GNA12: variants seen among roughly 807,000 people sequenced by gnomAD.
The protein encoded by GNA12 is guanine nucleotide-binding protein subunit alpha-12.
In GNA12, 9 loss-of-function variants were observed where a neutral mutation model predicts 26.0. The observed-to-expected ratio is 0.35, with a 90% confidence interval of 0.21 to 0.60. The LOEUF (loss-of-function observed/expected upper bound fraction) is 0.60, where lower values mean the gene tolerates loss of function less well. GNA12 is among the 20% of genes least tolerant of loss of function. The pLI is 0.78. For missense variants in GNA12, 405 were observed against 525.8 expected (o/e 0.77, Z 2.25); for synonymous variants, 264 against 219.6 (o/e 1.20, Z -1.79).
At chr7:2,759,585 T>C (rs1266671432) in intron 2 of GNA12, among the ~76,000 whole-genome samples, 1 of 152,236 alleles carries the variant, frequency 6.6e-6, no homozygotes, top group African/African-American at 2.4e-5. Context: ...CGGTAGTGGC[T>C]CACATGGGGT....
At chr7:2,839,712 G>T (rs893937487) in intron 1 of GNA12, among the ~76,000 whole-genome samples, 1 of 152,074 alleles carries the variant, frequency 6.6e-6, no homozygotes, top group African/African-American at 2.4e-5. Flanking sequence ...CAAAATTATC[G>T]AATTAAAGAA....
At position 2,731,975 on chromosome 7, in the gene GNA12, C is replaced by T. The variant is rs1418109256; in HGVS notation, c.577-225G>A. On this transcript the variant is annotated intron_variant, in intron 3 of 3. Transcript: ENST00000275364. This position sits in a 1 kb window ranked among gnomAD's most constrained non-coding sequence, Gnocchi z 6.0. Reference sequence around the variant, plus strand: ...GAACGGAGGCTCACCAGTCTGAGGACGAATGCTCAGAACACTCGTGGGCAG... The same window carrying T: ...GAACGGAGGCTCACCAGTCTGAGGATGAATGCTCAGAACACTCGTGGGCAG... Among the ~76,000 whole-genome samples, 4 of 152,290 alleles carry T rather than the reference C, an allele frequency of 2.6e-5. No individual in the cohort carries two copies. The highest frequency in any genetic ancestry group is 4.2e-4 in the South Asian group (2 of 4,818).
rs113237540 is a variant in GNA12, at chr7:2,823,040, T to C, written c.309+20813A>G. On this transcript the variant is annotated intron_variant, in intron 1 of 3. Transcript: ENST00000275364. ...CTGAGTCTTTCAGGGACATTACAGT[T>C]ACCAACCACTCTGATGGCCTTGAAG... Among the ~76,000 whole-genome samples the C allele has an allele frequency of 7.6e-3, 1,158 of 152,306 alleles. 15 individuals carry two copies. The highest frequency in any genetic ancestry group is 0.026 in the African/African-American group (1,091 of 41,558).
rs78860496 is a variant in GNA12 at position 2,782,410 on chromosome 7, T to C, written c.525+12518A>G. Among the ~76,000 whole-genome samples, 802 of 152,352 alleles carry C rather than the reference T, an allele frequency of 5.3e-3. 7 individuals carry two copies. The highest frequency in any genetic ancestry group is 0.018 in the African/African-American group (756 of 41,574). On this transcript the variant is annotated intron_variant, in intron 2 of 3. Coordinates refer to ENST00000275364, the MANE Select transcript of GNA12 (RefSeq NM_007353.3). ...GGATTTGCTACCCATCAACTCTCTG[T>C]GTTTGGAAATGTCTCTGTTCTGCCT...
chr7:2,843,377 C>T (rs1352227262), intron 1 of GNA12, among the ~76,000 whole-genome samples: 1 of 151,920 alleles, frequency 6.6e-6, no homozygotes, highest in Non-Finnish European at 1.5e-5. Flanking sequence ...GGCGCCATGA[C>T]TCATGCCTAT....
chr7:2,809,674 A>AT (rs1342651910), intron 1 of GNA12, among the ~76,000 whole-genome samples: 1 of 152,166 alleles, frequency 6.6e-6, no homozygotes, highest in Non-Finnish European at 1.5e-5. Context: ...GAAAAAGCCT[A>AT]TTGACAGGAA....
intron 2 of GNA12, among the ~76,000 whole-genome samples, chr7:2,791,415 C>A (rs561410962): frequency 2.2e-4 from 34 of 152,374 alleles, no homozygotes; most frequent in African/African-American, 7.0e-4. Context: ...ATCCCCCACC[C>A]CGGCCCACCC....
At chr7:2,827,117 G>A (rs1423078248) in intron 1 of GNA12, among the ~76,000 whole-genome samples, 1 of 152,150 alleles carries the variant, frequency 6.6e-6, no homozygotes, top group African/African-American at 2.4e-5. Flanking sequence ...TTAAAAAAGT[G>A]AAGGAAGCCA....
intron 1 of GNA12, among the ~76,000 whole-genome samples, chr7:2,839,376 C>G (rs1448735781): frequency 6.6e-6 from 1 of 152,068 alleles, no homozygotes. Context: ...TGTGCACCAC[C>G]ACACCCGGCT....
chr7:2,799,967 G>A (rs762602080), intron 1 of GNA12, among the ~76,000 whole-genome samples: 7 of 152,196 alleles, frequency 4.6e-5, no homozygotes, highest in African/African-American at 1.7e-4. Context: ...AAACAGTTGG[G>A]TGGATTTATA....
rs904828101 is a variant in GNA12 at position 2,745,196 on chromosome 7, C to A, written c.526-11695G>T. Among the ~76,000 whole-genome samples, 5 of 152,272 alleles carry A rather than the reference C, an allele frequency of 3.3e-5. No individual in the cohort carries two copies. The South Asian group carries it at 6.2e-4, about 19-fold the overall frequency. On this transcript the variant is annotated intron_variant, in intron 2 of 3. Coordinates refer to ENST00000275364, the MANE Select transcript of GNA12 (RefSeq NM_007353.3). ...CCACAAAGATACTCCTTGAGAAAGG[C>A]AACTCCAAGACACATAATTGTCAGA...
chr7:2,791,335 G>A (rs1792512762), intron 2 of GNA12, among the ~76,000 whole-genome samples: 1 of 152,214 alleles, frequency 6.6e-6, no homozygotes, highest in African/African-American at 2.4e-5. Flanking sequence ...GGACAGCAAT[G>A]GCCAGGCATG....
chr7:2,737,985 G>C (rs763096761), intron 2 of GNA12, among the ~76,000 whole-genome samples: 1 of 152,254 alleles, frequency 6.6e-6, no homozygotes, highest in Non-Finnish European at 1.5e-5. Context: ...CAGGGCTGGC[G>C]TGAGATTAAA....
intron 1 of GNA12, among the ~76,000 whole-genome samples, chr7:2,825,676 GCC>G (rs1388810292): frequency 6.6e-6 from 1 of 152,174 alleles, no homozygotes; most frequent in African/African-American, 2.4e-5. Flanking sequence ...CAGGAAAGCA[GCC>G]TTATGAAAAA....
rs201231355 is a variant in GNA12, at chr7:2,733,434, C to T, written c.576+17G>A. The T allele has an allele frequency of 1.6e-3, 2,613 of 1,610,716 alleles. 10 individuals carry two copies. Among genetic ancestry groups the T allele is most frequent in the Non-Finnish European group, 1.5e-3 (1,733 of 1,177,460 alleles). ...AACCCTGGAGCCCAGCTTCTTCGGG[C>T]GGGCGTGCTTACTCACCAGCTGGCC... On this transcript the variant is annotated intron_variant, in intron 3 of 3. Coordinates refer to ENST00000275364, the MANE Select transcript of GNA12 (RefSeq NM_007353.3).
chr7:2,812,141 G>A lies in GNA12; in HGVS notation c.310-16998C>T, dbSNP rs563309864. Among the ~76,000 whole-genome samples, 46 of 152,324 alleles carry A rather than the reference G, an allele frequency of 3.0e-4. No homozygotes were observed. The South Asian group carries it at 8.7e-3, about 29-fold the overall frequency. On this transcript the variant is annotated intron_variant, in intron 1 of 3. Coordinates refer to ENST00000275364, the MANE Select transcript of GNA12 (RefSeq NM_007353.3). ...CACCAAAAACCTTAAAACCGGGCAAGTAAGTCCCTGTGTTACTAATTCCAT... is the reference window on the plus strand; with the variant it reads ...CACCAAAAACCTTAAAACCGGGCAAATAAGTCCCTGTGTTACTAATTCCAT...
chr7:2,842,509 G>C (rs1488945658), intron 1 of GNA12, among the ~76,000 whole-genome samples: 1 of 152,154 alleles, frequency 6.6e-6, no homozygotes, highest in East Asian at 1.9e-4. Context: ...TGTTGCCCAG[G>C]TTGGTCTCAA....
chr7:2,800,872 ACTTC>A (rs1415417898), intron 1 of GNA12, among the ~76,000 whole-genome samples: 1 of 152,066 alleles, frequency 6.6e-6, no homozygotes, highest in Non-Finnish European at 1.5e-5. Context: ...TCATCTCCCC[ACTTC>A]CTTTGACTAC....
At chr7:2,810,986 G>A (rs1388012684) in intron 1 of GNA12, among the ~76,000 whole-genome samples, 1 of 152,142 alleles carries the variant, frequency 6.6e-6, no homozygotes, top group Non-Finnish European at 1.5e-5. Context: ...CATTCAACAG[G>A]GACACCCAGG....
Sources: gnomAD v4.1 joint callset for allele counts (sites outside exome capture counted in the v4.1 genomes callset) on GRCh38, gnomAD v4.1.1 for gene constraint, Gnocchi (gnomAD v3.1) non-coding constraint, MANE v1.5 for transcripts, NCBI Gene and HGNC (gene_info 2026-07-23, HGNC 2026-07-21) for gene names.